Variants in BAZ2B observed in about 807,000 individuals in gnomAD.
BAZ2B encodes bromodomain adjacent to zinc finger domain 2B, also known as bromodomain adjacent to zinc finger domain protein 2B.
Under a neutral mutation model 246.0 loss-of-function variants are expected in BAZ2B, and 91 were observed. That is an observed-to-expected ratio of 0.37 (90% confidence interval 0.31 to 0.44). The LOEUF (loss-of-function observed/expected upper bound fraction) is 0.44, where lower values mean the gene tolerates loss of function less well. BAZ2B is among the 20% of genes least tolerant of loss of function. The probability of loss-of-function intolerance (pLI) is 1.00; values close to 1 mark genes in which losing one functional copy is unlikely to be tolerated. For missense variants in BAZ2B, 2,332 were observed against 2,533.7 expected (o/e 0.92, Z 1.71); for synonymous variants, 855 against 860.0 (o/e 0.99, Z 0.10).
chr2:159,487,317 A>G (rs545184755), intron 2 of BAZ2B, among the ~76,000 whole-genome samples: 35 of 152,118 alleles, frequency 2.3e-4, no homozygotes, highest in Non-Finnish European at 4.7e-4. Flanking sequence ...CTTCTTTTGT[A>G]TGTTTTGTAC....
chr2:159,358,732 T>C (rs2059379002), intron 27 of BAZ2B, among the ~76,000 whole-genome samples: 1 of 152,054 alleles, frequency 6.6e-6, no homozygotes, highest in South Asian at 2.1e-4. Flanking sequence ...CCTCAGCAAA[T>C]GCAAAAGAAT....
the BAZ2B span, among the ~76,000 whole-genome samples, chr2:159,692,698 T>C: frequency 6.6e-6 from 1 of 152,040 alleles, no homozygotes; most frequent in Non-Finnish European, 1.5e-5. Context: ...AAATAAAAAA[T>C]TAAAAAATAA....
chr2:159,518,079 A>G (rs1331915971), intron 2 of BAZ2B, among the ~76,000 whole-genome samples: 1 of 152,220 alleles, frequency 6.6e-6, no homozygotes, highest in African/African-American at 2.4e-5. Context: ...ATACACCAAA[A>G]CAAAACAAAA....
chr2:159,443,952 G>T (rs983078490), intron 6 of BAZ2B, among the ~76,000 whole-genome samples: 2 of 152,094 alleles, frequency 1.3e-5, no homozygotes, highest in African/African-American at 2.4e-5. Context: ...GATTTTACTT[G>T]ATTTTAGCAC....
chr2:159,491,043 A>T (rs1166164171), intron 2 of BAZ2B, among the ~76,000 whole-genome samples: 1 of 152,166 alleles, frequency 6.6e-6, no homozygotes, highest in Non-Finnish European at 1.5e-5. Flanking sequence ...AGTTTGCAGG[A>T]GTCTATTTTA....
rs1408703204 is a variant in BAZ2B at position 159,439,357 on chromosome 2, T to A, written c.697-145A>T. 4 of 732,488 alleles carry A rather than the reference T, an allele frequency of 5.5e-6. No individual in the cohort carries two copies. In the African/African-American group the frequency reaches 7.1e-5, roughly 13 times the overall value. The allele number at this position is 732,488 out of a possible 1,614,324, so 45.4% of individuals were successfully genotyped here. A position where few individuals can be genotyped will look rare whatever the true frequency, so the allele number is the denominator to read the frequency against. On this transcript the variant is annotated intron_variant, in intron 6 of 36. Transcript: ENST00000392783. The stretch of plus-strand genomic sequence containing the variant: ...AAAAAGTCACATATCGTAAGGATAA[T>A]TATTTAACAAACTGATCAACTTAAC...
intron 1 of BAZ2B, among the ~76,000 whole-genome samples, chr2:159,575,331 A>G (rs747744481): frequency 3.9e-5 from 6 of 152,194 alleles, no homozygotes; most frequent in Non-Finnish European, 7.3e-5. Context: ...GCAGAAAGGG[A>G]GAGTAGATAG....
chr2:159,338,009 A>C (rs1158650794), intron 31 of BAZ2B, among the ~76,000 whole-genome samples: 2 of 152,254 alleles, frequency 1.3e-5, no homozygotes, highest in Non-Finnish European at 2.9e-5. Flanking sequence ...AAAAGGTATA[A>C]GAACAATCAG....
intron 12 of BAZ2B, 89 bp downstream of exon 12, chr2:159,428,222 C>G (rs2070355413): frequency 8.2e-7 from 1 of 1,225,830 alleles, no homozygotes; most frequent in Non-Finnish European, 1.2e-6. Flanking sequence ...TATCAAGGAA[C>G]TTTATCTGAG....
At chr2:159,683,735 G>A in the BAZ2B span, among the ~76,000 whole-genome samples, 5 of 152,140 alleles carry the variant, frequency 3.3e-5, no homozygotes, top group African/African-American at 1.2e-4. Context: ...AGTATTCCTT[G>A]GTTCCTGGCT....
the BAZ2B span, among the ~76,000 whole-genome samples, chr2:159,691,061 T>C: frequency 0.057 from 8,752 of 152,246 alleles, 295 homozygotes; most frequent in East Asian, 0.14. Flanking sequence ...GGTGTGTATA[T>C]ATATTTATCA....
intron 27 of BAZ2B, 21 bp from the exon 28 acceptor site, chr2:159,350,378 A>G: frequency 3.4e-6 from 5 of 1,483,996 alleles, no homozygotes; most frequent in East Asian, 2.3e-5. Flanking sequence ...AAAAAGCATT[A>G]TGAACATCAG....
At chr2:159,490,355 T>C (rs372729046) in intron 2 of BAZ2B, among the ~76,000 whole-genome samples, 68 of 152,266 alleles carry the variant, frequency 4.5e-4, no homozygotes, top group African/African-American at 1.4e-3. Flanking sequence ...AAAATAGCAA[T>C]AGAATCTACG....
At chr2:159,542,253 G>A (rs970429465) in intron 2 of BAZ2B, among the ~76,000 whole-genome samples, 3 of 152,018 alleles carry the variant, frequency 2.0e-5, no homozygotes, top group Non-Finnish European at 4.4e-5. Context: ...AGAGAAAGGA[G>A]TAGAAACAAT....
chr2:159,365,219 T>C (rs1368249715), intron 27 of BAZ2B, among the ~76,000 whole-genome samples: 1 of 152,136 alleles, frequency 6.6e-6, no homozygotes, highest in East Asian at 1.9e-4. Flanking sequence ...AAGTGGCTGT[T>C]CTAGGCTCGT....
chr2:159,577,895 G>A (rs545029047), intron 1 of BAZ2B, among the ~76,000 whole-genome samples: 1 of 152,196 alleles, frequency 6.6e-6, no homozygotes, highest in Admixed American at 6.5e-5. Context: ...TATTCAACAT[G>A]AGAAAAGAAC....
chr2:159,366,766 T>G (rs1463295226), intron 27 of BAZ2B, among the ~76,000 whole-genome samples: 2 of 152,246 alleles, frequency 1.3e-5, no homozygotes, highest in Admixed American at 1.3e-4. Context: ...CTGTATCTCC[T>G]AATGCTGTGG....
chr2:159,604,968 G>A (rs950018447), intron 1 of BAZ2B, among the ~76,000 whole-genome samples: 6 of 152,008 alleles, frequency 3.9e-5, no homozygotes, highest in South Asian at 4.2e-4. Context: ...GTGTGCGCGC[G>A]CTAGGAGAGA....
intron 3 of BAZ2B, among the ~76,000 whole-genome samples, chr2:159,473,181 T>C (rs1037567651): frequency 1.3e-5 from 2 of 152,192 alleles, no homozygotes; most frequent in Admixed American, 1.3e-4. Flanking sequence ...AGAATTTGGC[T>C]GTGAATCCAT....
Sources: allele counts gnomAD v4.1 joint callset (sites outside exome capture counted in the v4.1 genomes callset), GRCh38; gene constraint gnomAD v4.1.1; transcripts MANE v1.5; gene names NCBI Gene and HGNC (gene_info 2026-07-23, HGNC 2026-07-21).